Variants in TSHZ3 observed in about 807,000 individuals in gnomAD.
The protein encoded by TSHZ3 is teashirt zinc finger homeobox 3, also known as teashirt homolog 3.
Under a neutral mutation model 64.5 loss-of-function variants are expected in TSHZ3, and 10 were observed. That is an observed-to-expected ratio of 0.16 (90% confidence interval 0.10 to 0.26). The LOEUF is 0.26. Ranked by LOEUF, TSHZ3 falls within the 10% of genes least tolerant of loss-of-function variation. The probability of loss-of-function intolerance (pLI) is 1.00; values close to 1 mark genes in which losing one functional copy is unlikely to be tolerated. For synonymous variants in TSHZ3, 608 were observed against 593.1 expected (o/e 1.03, Z -0.36); for missense variants, 1,242 against 1,421.7 (o/e 0.87, Z 2.03).
intron 3 of TSHZ3, among the ~76,000 whole-genome samples, chr19:31,235,281 A>G (rs1975590964): frequency 6.6e-6 from 1 of 152,204 alleles, no homozygotes; most frequent in Non-Finnish European, 1.5e-5. Context: ...GCTGTACATT[A>G]GCTCTCCAGG....
chr19:31,263,087 G>A (rs1976001730), intron 1 of TSHZ3, among the ~76,000 whole-genome samples: 1 of 152,182 alleles, frequency 6.6e-6, no homozygotes. Flanking sequence ...AATGACCAGG[G>A]CAGACAGCAT....
intron 1 of TSHZ3, among the ~76,000 whole-genome samples, chr19:31,319,989 G>A (rs563934480): frequency 6.6e-6 from 1 of 152,140 alleles, no homozygotes; most frequent in African/African-American, 2.4e-5. Context: ...AAACTAGGAC[G>A]TAACCGCTAC....
intron 3 of TSHZ3, among the ~76,000 whole-genome samples, chr19:31,231,453 G>A (rs907532835): frequency 6.6e-6 from 1 of 152,234 alleles, no homozygotes; most frequent in South Asian, 2.1e-4. Context: ...ATTCAGCCTC[G>A]TATTATGTAG....
In TSHZ3 at chr19:31,163,317, A is replaced by G. The variant is rs1461498557; in HGVS notation, n.810-6900T>C. Among the ~76,000 whole-genome samples the G allele has an allele frequency of 2.6e-5, 4 of 152,324 alleles. No homozygotes were observed. The East Asian group carries it at 7.7e-4, about 29-fold the overall frequency. On this transcript the variant is annotated intron_variant and non_coding_transcript_variant, in intron 5 of 6. Transcript: ENST00000651361. ...TGGTAACACTAAGTCTGGAAAGATG[A>G]AATCTGATTATAAAGGGCCTTGAAT...
At chr19:31,254,328 AGCACGGCCGG>A (rs1975880214) in intron 1 of TSHZ3, among the ~76,000 whole-genome samples, 1 of 152,180 alleles carries the variant, frequency 6.6e-6, no homozygotes, top group South Asian at 2.1e-4. Flanking sequence ...TCTGGTCCCC[AGCACGGCCGG>A]GCCTGCAGAG....
intron 1 of TSHZ3, among the ~76,000 whole-genome samples, chr19:31,323,776 T>G (rs1054527458): frequency 1.3e-5 from 2 of 151,290 alleles, no homozygotes; most frequent in African/African-American, 4.9e-5. Flanking sequence ...ACAATCACCT[T>G]CCCACACTGC....
At chr19:31,345,691 T>A (rs963828265) in intron 1 of TSHZ3, among the ~76,000 whole-genome samples, 2 of 152,016 alleles carry the variant, frequency 1.3e-5, no homozygotes, top group African/African-American at 4.8e-5. Context: ...TTGTTTGGTT[T>A]TTTTTTCTTT....
intron 5 of TSHZ3, among the ~76,000 whole-genome samples, chr19:31,186,969 C>T (rs1974820406): frequency 6.6e-6 from 1 of 150,794 alleles, no homozygotes; most frequent in Admixed American, 6.6e-5. Context: ...GTGTATATTA[C>T]AAAATCTTTT....
At chr19:31,226,973 CTTTCT>C (rs952512352) in intron 4 of TSHZ3, among the ~76,000 whole-genome samples, 2 of 68,158 alleles carry the variant, frequency 2.9e-5, no homozygotes, top group African/African-American at 1.8e-4. Context: ...TTCTTTCTTT[CTTTCT>C]TTTTTTTTTT....
At chr19:31,326,632 G>A (rs1245544072) in intron 1 of TSHZ3, among the ~76,000 whole-genome samples, 1 of 152,248 alleles carries the variant, frequency 6.6e-6, no homozygotes, top group Non-Finnish European at 1.5e-5. Flanking sequence ...TCATGGGGCT[G>A]AAACCTCGGA....
chr19:31,248,590 C>T (rs538221738), intron 1 of TSHZ3, among the ~76,000 whole-genome samples: 2 of 150,336 alleles, frequency 1.3e-5, no homozygotes, highest in African/African-American at 4.9e-5. Context: ...CAGACCAGCC[C>T]AGGCAACACA....
chr19:31,207,635 A>G (rs1272326780), intron 4 of TSHZ3: 3 of 152,228 alleles, frequency 2.0e-5, no homozygotes, highest in African/African-American at 4.8e-5. Flanking sequence ...AACTTGTAAT[A>G]AAACCACAAA....
intron 1 of TSHZ3, among the ~76,000 whole-genome samples, chr19:31,251,894 C>T (rs1213806763): frequency 1.3e-5 from 2 of 152,196 alleles, no homozygotes; most frequent in Admixed American, 6.5e-5. Flanking sequence ...CAAACCGCCT[C>T]TGCTCAAGGG....
intron 1 of TSHZ3, among the ~76,000 whole-genome samples, chr19:31,298,499 G>A (rs1003364598): frequency 3.3e-5 from 5 of 152,032 alleles, no homozygotes; most frequent in East Asian, 1.9e-4. Context: ...GAGACACTTC[G>A]GCACCAAGCA....
chr19:31,237,302 A>G (rs1329574892), intron 3 of TSHZ3, among the ~76,000 whole-genome samples: 1 of 152,232 alleles, frequency 6.6e-6, no homozygotes, highest in Non-Finnish European at 1.5e-5. Context: ...TGTTAAACTT[A>G]TCAGGCTGAA....
chr19:31,244,519 C>T (rs572667370), intron 1 of TSHZ3, among the ~76,000 whole-genome samples: 91 of 152,336 alleles, frequency 6.0e-4, no homozygotes, highest in African/African-American at 2.0e-3. Context: ...TATTTCTTTA[C>T]AGCTGTGAGG....
chr19:31,281,874 G>A (rs1328957989), intron 1 of TSHZ3, among the ~76,000 whole-genome samples: 4 of 152,206 alleles, frequency 2.6e-5, no homozygotes, highest in Non-Finnish European at 5.9e-5. Flanking sequence ...GAACAGCCGA[G>A]GTAGAATAAC....
intron 1 of TSHZ3, among the ~76,000 whole-genome samples, chr19:31,284,590 C>G (rs1976422105): frequency 6.6e-6 from 1 of 152,152 alleles, no homozygotes; most frequent in Admixed American, 6.6e-5. Context: ...TCTAGCACTG[C>G]CTCCTCTGCT....
At chr19:31,341,173 A>G (rs1215345637) in intron 1 of TSHZ3, among the ~76,000 whole-genome samples, 1 of 152,192 alleles carries the variant, frequency 6.6e-6, no homozygotes, top group Non-Finnish European at 1.5e-5. Flanking sequence ...AGATCCACAC[A>G]CTAGTTTGAC....
Sources: gnomAD v4.1 joint callset for allele counts (sites outside exome capture counted in the v4.1 genomes callset) on GRCh38, gnomAD v4.1.1 for gene constraint, MANE v1.5 for transcripts, NCBI Gene and HGNC (gene_info 2026-07-23, HGNC 2026-07-21) for gene names.